Variants in ANKRD17 observed in about 807,000 individuals in gnomAD.
ANKRD17 encodes the protein ankyrin repeat domain-containing protein 17.
In ANKRD17, 19 loss-of-function variants were observed where a neutral mutation model predicts 229.7. The ratio of observed to expected loss-of-function variants is 0.08; its 90% CI spans 0.06 to 0.12. The LOEUF is 0.12. Ranked by LOEUF, ANKRD17 falls within the 10% of genes least tolerant of loss-of-function variation. The pLI is 1.00. For missense variants in ANKRD17, 2,176 were observed against 3,176.8 expected, an observed-to-expected ratio of 0.68 and a Z score of 7.57; for synonymous variants, 1,112 against 1,146.1, an observed-to-expected ratio of 0.97 and a Z score of 0.60.
intron 18 of ANKRD17, among the ~76,000 whole-genome samples, chr4:73,124,141 A>G (rs921402934): frequency 1.3e-4 from 20 of 152,216 alleles, no homozygotes; most frequent in Admixed American, 1.0e-3. Context: ...ATAAAAGAAT[A>G]AGAGAAAAAA....
Position 73,258,332 on chromosome 4 carries a change from T to G in ANKRD17, c.337A>C (p.Ser113Arg). 2 of 1,613,534 alleles carry G rather than the reference T, an allele frequency of 1.2e-6. No homozygotes were observed. The highest frequency in any genetic ancestry group is 1.3e-5 in the African/African-American group (1 of 75,032). ...TCCTCTTCTTCCTCGCTGTTGTTAC[T>G]GCTGGTGCCGCCGCCGCCACCTCCG... The part of the protein sequence containing the change: ...GGGGGGGGTS[S>R]NNSEEEEDDD... Residue 113 changes from serine (S) to arginine (R), a missense_variant, in exon 1 of 34, where the codon AGT becomes CGT. Ser to Arg is a moderately radical substitution (Grantham distance 110). Coordinates refer to ENST00000358602, the MANE Select transcript of ANKRD17 (RefSeq NM_032217.5).
chr4:73,224,572 A>T (rs147801715), intron 1 of ANKRD17, among the ~76,000 whole-genome samples: 289 of 152,242 alleles, frequency 1.9e-3, no homozygotes, highest in African/African-American at 6.5e-3. Context: ...TTCTTTTTTT[A>T]AAAAAATAAA....
intron 1 of ANKRD17, among the ~76,000 whole-genome samples, chr4:73,189,708 T>A (rs972504484): frequency 5.3e-5 from 8 of 152,202 alleles, no homozygotes; most frequent in African/African-American, 1.9e-4. Flanking sequence ...TCAACGGAGT[T>A]TCTCTCCTTA....
At chr4:73,229,265 T>G (rs895513663) in intron 1 of ANKRD17, among the ~76,000 whole-genome samples, 4 of 152,192 alleles carry the variant, frequency 2.6e-5, no homozygotes, top group Non-Finnish European at 5.9e-5. Flanking sequence ...ACATGTACCC[T>G]AGAACTTAAA....
chr4:73,126,652 T>G (rs1279940166), intron 16 of ANKRD17, among the ~76,000 whole-genome samples: 1 of 152,218 alleles, frequency 6.6e-6, no homozygotes, highest in African/African-American at 2.4e-5. Flanking sequence ...GACCAACATA[T>G]TAGATTTACC....
intron 1 of ANKRD17, among the ~76,000 whole-genome samples, chr4:73,201,753 T>C (rs1738707894): frequency 6.6e-6 from 1 of 152,226 alleles, no homozygotes; most frequent in South Asian, 2.1e-4. Flanking sequence ...TGAAACAGTT[T>C]ATTTTAAATT....
At chr4:73,106,308 G>C (rs933062509) in intron 24 of ANKRD17, among the ~76,000 whole-genome samples, 3 of 152,112 alleles carry the variant, frequency 2.0e-5, no homozygotes, top group Non-Finnish European at 4.4e-5. Context: ...CCCAACTGAT[G>C]ATTTCTAATT....
intron 2 of ANKRD17, among the ~76,000 whole-genome samples, chr4:73,169,479 A>T (rs1733688279): frequency 6.6e-6 from 1 of 152,080 alleles, no homozygotes; most frequent in African/African-American, 2.4e-5. Context: ...AAGGGAAAAA[A>T]AAAAGTCTGG....
chr4:73,107,896 T>G (rs1374530875), intron 24 of ANKRD17, among the ~76,000 whole-genome samples: 2 of 152,196 alleles, frequency 1.3e-5, no homozygotes, highest in Non-Finnish European at 2.9e-5. Flanking sequence ...ATCAGGGTGC[T>G]ACATAAACTA....
At chr4:73,182,109 C>T (rs1405185673) in intron 1 of ANKRD17, among the ~76,000 whole-genome samples, 3 of 86,410 alleles carry the variant, frequency 3.5e-5, no homozygotes, top group East Asian at 4.0e-4. Context: ...AGAAAGTATT[C>T]GAAAATATTT....
intron 16 of ANKRD17, among the ~76,000 whole-genome samples, chr4:73,126,421 A>G (rs1281739619): frequency 2.6e-5 from 4 of 152,166 alleles, no homozygotes; most frequent in Non-Finnish European, 4.4e-5. Flanking sequence ...GGGCCAAATT[A>G]GCAGTTGTGG....
intron 30 of ANKRD17, among the ~76,000 whole-genome samples, chr4:73,084,737 C>G (rs879632730): frequency 1.3e-5 from 2 of 152,180 alleles, no homozygotes; most frequent in Admixed American, 1.3e-4. Flanking sequence ...GTGTATGCCA[C>G]TGTGCCCAGC....
chr4:73,220,609 C>T (rs993036597), intron 1 of ANKRD17, among the ~76,000 whole-genome samples: 1 of 152,004 alleles, frequency 6.6e-6, no homozygotes, highest in African/African-American at 2.4e-5. Context: ...GTGTTATGTT[C>T]ACTAATGATA....
chr4:73,100,597 T>C (rs1717727651), intron 25 of ANKRD17, among the ~76,000 whole-genome samples: 1 of 152,114 alleles, frequency 6.6e-6, no homozygotes, highest in African/African-American at 2.4e-5. Context: ...TGCAGTTATG[T>C]AAAATAATGT....
At chr4:73,245,649 C>T (rs551940918) in intron 1 of ANKRD17, among the ~76,000 whole-genome samples, 24 of 152,234 alleles carry the variant, frequency 1.6e-4, no homozygotes, top group Admixed American at 4.6e-4. Context: ...TCTCTTAATA[C>T]ATAACAATCA....
chr4:73,093,857 A>G (rs1369468132), intron 28 of ANKRD17, among the ~76,000 whole-genome samples: 2 of 152,228 alleles, frequency 1.3e-5, no homozygotes, highest in African/African-American at 4.8e-5. Context: ...TTTGCTACAC[A>G]TGCATACAAA....
At chr4:73,218,342 G>A (rs1038064403) in intron 1 of ANKRD17, among the ~76,000 whole-genome samples, 1 of 152,150 alleles carries the variant, frequency 6.6e-6, no homozygotes, top group Non-Finnish European at 1.5e-5. Context: ...ATTCAAGACT[G>A]TTTAAGATAC....
At chr4:73,125,656 C>T (rs961089865) in intron 16 of ANKRD17, among the ~76,000 whole-genome samples, 7 of 150,104 alleles carry the variant, frequency 4.7e-5, no homozygotes, top group Admixed American at 4.0e-4. Context: ...TCGCTTGAAC[C>T]TGGGAGGCAG....
At position 73,090,656 on chromosome 4, in the gene ANKRD17, T is replaced by C. The variant is rs773215752; in HGVS notation, c.6961+11A>G. On this transcript the variant is annotated intron_variant, in intron 29 of 33. Transcript: ENST00000358602. ...TGAACAGCTGCAGAATCTCAGAAAATATAAACTCACCTGAGGGACTTGGAG... is the reference window on the plus strand; with the variant it reads ...TGAACAGCTGCAGAATCTCAGAAAACATAAACTCACCTGAGGGACTTGGAG... 2.8e-5 allele frequency: 45 copies of C among 1,613,730 alleles called. No homozygotes were observed. The highest frequency in any genetic ancestry group is 2.0e-4 in the South Asian group (18 of 91,028).
Sources: allele counts gnomAD v4.1 joint callset (sites outside exome capture counted in the v4.1 genomes callset), GRCh38; gene constraint gnomAD v4.1.1; transcripts MANE v1.5; gene names NCBI Gene and HGNC (gene_info 2026-07-23, HGNC 2026-07-21).